The following PSRC1 variants were observed in gnomAD, a reference collection of about 807,000 sequenced individuals.
The protein encoded by PSRC1 is proline/serine-rich coiled-coil protein 1.
Under a neutral mutation model 31.9 loss-of-function variants are expected in PSRC1, and 30 were observed. That is an observed-to-expected ratio of 0.94 (90% CI 0.70 to 1.28). PSRC1 has a LOEUF of 1.28. Among genes scored for constraint, PSRC1 ranks in the 50% most tolerant of loss-of-function variants. The pLI is 0.00. For missense variants in PSRC1, 481 were observed against 472.8 expected (o/e 1.02, Z -0.16); for synonymous variants, 191 against 192.1 (o/e 0.99, Z 0.05).
At position 109,282,668 on chromosome 1, in the gene PSRC1, T is replaced by TC; in HGVS notation, c.19+11dup. On this transcript the variant is annotated intron_variant, in intron 2 of 6. Coordinates refer to ENST00000409138, the Ensembl canonical transcript of PSRC1. ...CTCCTCCCTTTCATTCTTCCCTCCC[T>TC]CCTTTCCTTACCTTCCTCCAAATCC... 6.4e-7 allele frequency: 1 copy of TC among 1,566,356 alleles called. No homozygotes were observed. The highest frequency in any genetic ancestry group is 8.7e-7 in the Non-Finnish European group (1 of 1,154,170).
At chr1:109,280,065 C>T (rs1656789852) in exon 7 of PSRC1, 1 of 1,579,626 alleles carries the variant, frequency 6.3e-7, no homozygotes, top group Non-Finnish European at 8.7e-7. Flanking sequence ...CCAGAATCTG[C>T]TGGAGTCAGG....
intron 6 of PSRC1, 46 bp from the exon 8 acceptor site, chr1:109,280,202 C>A (rs367608599): frequency 4.4e-6 from 7 of 1,608,204 alleles, no homozygotes; most frequent in Non-Finnish European, 6.0e-6. Context: ...CCTTCTTCCT[C>A]AAGCCCATTT....
At chr1:109,280,288 T>C in intron 6 of PSRC1, 108 bp downstream of exon 7, 1 of 1,407,706 alleles carries the variant, frequency 7.1e-7, no homozygotes, top group Non-Finnish European at 1.0e-6. Flanking sequence ...GCTCCCCTCC[T>C]CTCTCCATCT....
intron 4 of PSRC1, 33 bp from the exon 5 acceptor site, chr1:109,281,284 G>C (rs767482482): frequency 3.9e-5 from 58 of 1,493,674 alleles, no homozygotes; most frequent in Non-Finnish European, 5.1e-5. Flanking sequence ...AAAAAGACTA[G>C]AGTGGAAAAA....
intron 4 of PSRC1, 89 bp from the exon 5 acceptor site, chr1:109,281,340 T>C (rs72703210): frequency 0.033 from 39,088 of 1,172,256 alleles, 786 homozygotes; most frequent in Non-Finnish European, 0.041. Flanking sequence ...AGGTGGAGAG[T>C]TGTCTACATC....
rs775722072 is a variant in PSRC1 at position 109,281,703 on chromosome 1, C to CA, written c.434_435insT (p.Pro146AlafsTer6). On this transcript the variant is annotated frameshift_variant, in exon 4 of 7. Transcript: ENST00000409138. LOFTEE classifies it high-confidence loss of function. ...TCCTATCATTACTCCGGAGTCGAGG[C>CA]GTCAGGCTGCTTGGGGAGGGGGTGC... 1 of 1,613,978 alleles carries CA rather than the reference C, an allele frequency of 6.2e-7. No homozygotes were observed. Among genetic ancestry groups the CA allele is most frequent in the South Asian group, 1.1e-5 (1 of 91,078 alleles).
At chr1:109,280,305 A>G in intron 6 of PSRC1, 91 bp downstream of exon 7, 3 of 1,427,702 alleles carry the variant, frequency 2.1e-6, no homozygotes, top group Non-Finnish European at 2.9e-6. Flanking sequence ...ATCTTTCCAT[A>G]CAAAATTCAG....
exon 5 of PSRC1, chr1:109,280,970 C>G: frequency 6.2e-7 from 1 of 1,612,440 alleles, no homozygotes; most frequent in Non-Finnish European, 8.5e-7. Flanking sequence ...CAGCTGCTCC[C>G]TGCGGCCGGG....
At chr1:109,281,422 T>C (rs1657094589) in intron 4 of PSRC1, 171 bp from the exon 5 acceptor site, 9 of 736,638 alleles carry the variant, frequency 1.2e-5, no homozygotes, top group Admixed American at 5.9e-5. Context: ...GCCAATACCA[T>C]TTATTGAGTT....
chr1:109,280,303 A>G, intron 6 of PSRC1, 93 bp downstream of exon 7: 2 of 1,422,000 alleles, frequency 1.4e-6, no homozygotes, highest in South Asian at 1.2e-5. Context: ...CCATCTTTCC[A>G]TACAAAATTC....
In PSRC1 at chr1:109,282,589, A is replaced by C; in HGVS notation, c.20-14T>G. The C allele has an allele frequency of 6.2e-7, 1 of 1,613,550 alleles. No homozygotes were observed. Among genetic ancestry groups the C allele is most frequent in the Non-Finnish European group, 8.5e-7 (1 of 1,179,938 alleles). On this transcript the variant is annotated splice_polypyrimidine_tract_variant and intron_variant, in intron 2 of 6. Transcript: ENST00000409138. ...TAAACCTTACATCTGAAGGGGAAAGAAGAATGAAAGCCAGTCATGGGTCCC... is the reference window on the plus strand; with the variant it reads ...TAAACCTTACATCTGAAGGGGAAAGCAGAATGAAAGCCAGTCATGGGTCCC...
chr1:109,282,318 C>A, intron 3 of PSRC1, 200 bp downstream of exon 3: 1 of 621,452 alleles, frequency 1.6e-6, no homozygotes, highest in Non-Finnish European at 2.8e-6. Flanking sequence ...CTTCTTAACA[C>A]CCTGAAATCT....
rs1657400790 is a variant in PSRC1, at chr1:109,282,800, G to T, written c.-33-69C>A. The T allele has an allele frequency of 5.3e-6, 8 of 1,509,322 alleles. 1 individual carries two copies. In the Admixed American group the frequency reaches 1.6e-4, roughly 30 times the overall value. 93.5% of individuals were successfully genotyped at this position (1,509,322 alleles called of 1,614,324 possible). A position where few individuals can be genotyped will look rare whatever the true frequency, so the allele number is the denominator to read the frequency against. ...GCCCAAGGCTCGCAGCTAGATTCAG[G>T]GTGCAAGCCAGGGTCGGGGGTCATG... is the stretch of plus-strand genomic sequence containing the variant. On this transcript the variant is annotated intron_variant, in intron 1 of 6. Coordinates refer to ENST00000409138, the Ensembl canonical transcript of PSRC1.
exon 7 of PSRC1, chr1:109,279,881 T>G (rs1656757201): frequency 1.9e-6 from 1 of 536,276 alleles, no homozygotes. Context: ...TTGCCTGTAC[T>G]TCTCATCTTC....
chr1:109,280,225 A>G (rs553418128), intron 6 of PSRC1, 69 bp from the exon 8 acceptor site: 2 of 1,578,566 alleles, frequency 1.3e-6, no homozygotes, highest in Admixed American at 3.3e-5. Context: ...CACCCAGCAG[A>G]ATTCAAGCTC....
Position 109,281,791 on chromosome 1 carries a change from G to C in PSRC1, c.347C>G (p.Thr116Ser), listed in dbSNP as rs760054592. Residue 116 changes from threonine (T) to serine (S), a missense_variant, in exon 4 of 7, where the codon ACC (threonine) becomes AGC (serine). By Grantham distance (58) the Thr-to-Ser change is moderately conservative. Transcript: ENST00000409138. The stretch of plus-strand genomic sequence containing the variant: ...GACAGGACTATCCTTCAGCACAAAG[G>C]TCTCCCGCCGAGGACTGGGCTTCAC... The C allele has an allele frequency of 3.5e-5, 57 of 1,613,926 alleles. No individual in the cohort carries two copies. Among genetic ancestry groups the C allele is most frequent in the East Asian group, 6.7e-5 (3 of 44,864 alleles).
intron 6 of PSRC1, 65 bp downstream of exon 7, chr1:109,280,331 C>T: frequency 1.4e-6 from 2 of 1,479,624 alleles, no homozygotes; most frequent in South Asian, 2.4e-5. Context: ...ATGTGCATAA[C>T]AGCTTGGAAT....
chr1:109,282,599 G>T (rs767046200), intron 2 of PSRC1, 24 bp from the exon 3 acceptor site: 1 of 1,612,900 alleles, frequency 6.2e-7, no homozygotes, highest in Non-Finnish European at 8.5e-7. Flanking sequence ...AAGAATGAAA[G>T]CCAGTCATGG....
chr1:109,280,081 C>T (rs1656793352), exon 7 of PSRC1: 1 of 1,610,188 alleles, frequency 6.2e-7, no homozygotes, highest in East Asian at 2.2e-5. Flanking sequence ...TCAGGGTCTG[C>T]TGGGTAGAGG....
Sources: allele counts gnomAD v4.1 joint callset, GRCh38; gene constraint gnomAD v4.1.1; transcripts MANE v1.5; gene names NCBI Gene and HGNC (gene_info 2026-07-23, HGNC 2026-07-21).